The following DTNA variants were observed in gnomAD, a reference collection of about 807,000 sequenced individuals.
DTNA encodes dystrobrevin alpha.
Under a neutral mutation model 100.7 loss-of-function variants are expected in DTNA, and 43 were observed. The observed-to-expected ratio is 0.43, with a 90% CI of 0.33 to 0.55. The LOEUF is 0.55. Ranked by LOEUF, DTNA falls within the 20% of genes least tolerant of loss-of-function variation. The pLI, the probability that DTNA is intolerant of heterozygous loss-of-function variation, is 0.04. For synonymous variants in DTNA, 349 were observed against 347.9 expected (o/e 1.00, Z -0.04); for missense variants, 798 against 953.9 (o/e 0.84, Z 2.15).
chr18:34,825,790 CAG>C (rs1304067468), intron 9 of DTNA, among the ~76,000 whole-genome samples: 1 of 151,994 alleles, frequency 6.6e-6, no homozygotes, highest in Non-Finnish European at 1.5e-5. Context: ...CATTTTTAGA[CAG>C]AGCAAGAAGG....
intron 20 of DTNA, among the ~76,000 whole-genome samples, chr18:34,881,852 TA>T (rs35635435): frequency 2.0e-5 from 3 of 151,914 alleles, no homozygotes; most frequent in African/African-American, 7.3e-5. Flanking sequence ...GCAACTGCCA[TA>T]AAAAAATTGT....
chr18:34,605,633 GCACACACACACACACACACACA>G, intron 1 of DTNA, among the ~76,000 whole-genome samples: 1 of 142,332 alleles, frequency 7.0e-6, no homozygotes, highest in Non-Finnish European at 1.5e-5. Flanking sequence ...TGCAACTCAG[GCACACACACACACACACACACA>G]CACACACACA....
intron 18 of DTNA, 88 bp from the exon 19 acceptor site, chr18:34,877,631 G>T: frequency 8.4e-7 from 1 of 1,195,538 alleles, no homozygotes; most frequent in Non-Finnish European, 1.2e-6. Flanking sequence ...CTTGCTTTAG[G>T]TTATTAATGG....
At chr18:34,517,736 A>T (rs1010534593) in intron 1 of DTNA, among the ~76,000 whole-genome samples, 2 of 152,090 alleles carry the variant, frequency 1.3e-5, no homozygotes, top group African/African-American at 4.8e-5. Context: ...AAAATTCAAC[A>T]TAATTTCATT....
At chr18:34,840,577 A>C (rs1249217373) in intron 13 of DTNA, among the ~76,000 whole-genome samples, 4 of 152,150 alleles carry the variant, frequency 2.6e-5, no homozygotes, top group Non-Finnish European at 4.4e-5. Context: ...AAAAGCTCAG[A>C]GTTTGTCACT....
intron 1 of DTNA, among the ~76,000 whole-genome samples, chr18:34,522,048 G>A (rs928564235): frequency 1.3e-5 from 2 of 152,184 alleles, no homozygotes; most frequent in African/African-American, 4.8e-5. Context: ...ACTCTCCTGG[G>A]TTCTTCTGCA....
chr18:34,558,123 C>A (rs2046286420), intron 1 of DTNA: 2 of 152,816 alleles, frequency 1.3e-5, no homozygotes, highest in Non-Finnish European at 2.9e-5. Context: ...GTGGGAGTGA[C>A]CCGATTTTCC....
chr18:34,636,970 G>A lies in DTNA; in HGVS notation c.-1-119006G>A, dbSNP rs557353067. Among the ~76,000 whole-genome samples, 3 of 152,252 alleles carry A rather than the reference G, an allele frequency of 2.0e-5. No individual in the cohort carries two copies. In the East Asian group the frequency reaches 5.8e-4, roughly 29 times the overall value. On this transcript the variant is annotated intron_variant, in intron 1 of 19. Transcript: ENST00000283365. ...TAATAGGAGACTCTGTCATTGATTGGAACTTCCAGGGTATTTCTTCTGAAA... is the reference window on the plus strand; with the variant it reads ...TAATAGGAGACTCTGTCATTGATTGAAACTTCCAGGGTATTTCTTCTGAAA...
At chr18:34,741,551 A>T (rs2090647640) in intron 1 of DTNA, among the ~76,000 whole-genome samples, 1 of 152,184 alleles carries the variant, frequency 6.6e-6, no homozygotes, top group Non-Finnish European at 1.5e-5. Context: ...TGTCAATGGT[A>T]ACTTTATGTC....
chr18:34,567,701 A>C (rs1407665950), intron 1 of DTNA, among the ~76,000 whole-genome samples: 2 of 152,214 alleles, frequency 1.3e-5, no homozygotes, highest in South Asian at 2.1e-4. Context: ...ATTTTACCTA[A>C]CTGCTATTTT....
At chr18:34,571,144 G>GT (rs1292803396) in intron 1 of DTNA, among the ~76,000 whole-genome samples, 3 of 152,104 alleles carry the variant, frequency 2.0e-5, no homozygotes, top group African/African-American at 7.2e-5. Flanking sequence ...TGGCTACAAA[G>GT]TTTATGTTCT....
At chr18:34,582,899 C>A (rs565525790) in intron 1 of DTNA, among the ~76,000 whole-genome samples, 7 of 152,302 alleles carry the variant, frequency 4.6e-5, no homozygotes, top group South Asian at 4.1e-4. Context: ...TACGAATCAT[C>A]ATGACAACTT....
intron 1 of DTNA, among the ~76,000 whole-genome samples, chr18:34,531,355 T>C (rs1417702064): frequency 3.3e-5 from 5 of 152,176 alleles, no homozygotes; most frequent in African/African-American, 1.2e-4. Flanking sequence ...ATCTCTCTCA[T>C]AGATACGTTC....
In DTNA at chr18:34,565,820, G is replaced by A. The variant is rs537097997; in HGVS notation, c.-2+72306G>A. 3.9e-5 allele frequency among the ~76,000 whole-genome samples: 6 copies of A among 152,300 alleles called. No homozygotes were observed. The South Asian group carries it at 1.2e-3, about 32-fold the overall frequency. ...AATACTGTAATATCCACAGGTATTGGATGGACTTATCTTTTGGAGACCAGC... is the reference window on the plus strand; with the variant it reads ...AATACTGTAATATCCACAGGTATTGAATGGACTTATCTTTTGGAGACCAGC... On this transcript the variant is annotated intron_variant, in intron 1 of 19. Transcript: ENST00000283365.
In DTNA at chr18:34,750,295, G is replaced by A. The variant is rs552460986; in HGVS notation, c.-1-5681G>A. 2.0e-5 allele frequency among the ~76,000 whole-genome samples: 3 copies of A among 152,246 alleles called. No individual in the cohort carries two copies. In the South Asian group the frequency reaches 6.2e-4, roughly 32 times the overall value. ...TCTGGTTTACATAAATCTGGACACTGGGAATTCTTTTAATCTCCCTGATTA... is the reference window on the plus strand; with the variant it reads ...TCTGGTTTACATAAATCTGGACACTAGGAATTCTTTTAATCTCCCTGATTA... On this transcript the variant is annotated intron_variant, in intron 1 of 22. Transcript: ENST00000444659.
rs150907529 is a variant in DTNA, at chr18:34,716,114, A to G, written c.-2+5669A>G. ...TAAAAATTGCATATCCTTGGGCCCT[A>G]CAGTTCTACTACTAGGAATATGTCC... On this transcript the variant is annotated intron_variant, in intron 1 of 22. Coordinates refer to ENST00000444659, the MANE Select transcript of DTNA (RefSeq NM_001386795.1). Among the ~76,000 whole-genome samples the G allele has an allele frequency of 7.7e-3, 1,179 of 152,316 alleles. 8 individuals carry two copies. Among genetic ancestry groups the G allele is most frequent in the African/African-American group, 0.027 (1,105 of 41,562 alleles).
chr18:34,651,543 C>A (rs1311999587), intron 1 of DTNA, among the ~76,000 whole-genome samples: 1 of 152,158 alleles, frequency 6.6e-6, no homozygotes, highest in African/African-American at 2.4e-5. Flanking sequence ...GTTTCATTCA[C>A]TTAACAAATT....
chr18:34,801,740 G>A (rs9941405), intron 4 of DTNA, among the ~76,000 whole-genome samples: 3,856 of 151,968 alleles, frequency 0.025, 168 homozygotes, highest in African/African-American at 0.087. Context: ...TGATCACCTG[G>A]CCTCTTGTTC....
intron 3 of DTNA, among the ~76,000 whole-genome samples, chr18:34,770,940 G>A (rs772935403): frequency 4.0e-5 from 6 of 151,740 alleles, no homozygotes; most frequent in Non-Finnish European, 2.9e-5. Flanking sequence ...GCACCACCAC[G>A]CCCGGCTAAT....
Sources: allele counts gnomAD v4.1 joint callset (sites outside exome capture counted in the v4.1 genomes callset), GRCh38; gene constraint gnomAD v4.1.1; transcripts MANE v1.5; gene names NCBI Gene and HGNC (gene_info 2026-07-23, HGNC 2026-07-21).